The following COL11A1 variants were observed in gnomAD, a reference collection of about 807,000 sequenced individuals.
COL11A1 encodes collagen type XI alpha 1 chain, also known as collagen alpha-1(XI) chain.
COL11A1 carries 74 observed loss-of-function variants against 265.2 expected under a neutral mutation model. That is an observed-to-expected ratio of 0.28 (90% CI 0.23 to 0.34). The LOEUF is 0.34. Ranked by LOEUF, COL11A1 falls within the 10% of genes least tolerant of loss-of-function variation. The pLI, the probability that COL11A1 is intolerant of heterozygous loss-of-function variation, is 1.00. For missense variants in COL11A1, 2,165 were observed against 2,263.6 expected, an observed-to-expected ratio of 0.96 and a Z score of 0.88; for synonymous variants, 816 against 727.6, an observed-to-expected ratio of 1.12 and a Z score of -1.96.
At position 103,064,558 on chromosome 1, in the gene COL11A1, G is replaced by T. The variant is rs1055794944; in HGVS notation, c.651+10060C>A. ...CAAAAAAAATTAGCCAGGCGTGGTG[G>T]TGGGTGCCTGTAGTCCCAGCTATTT... On this transcript the variant is annotated intron_variant, in intron 4 of 66. Coordinates refer to ENST00000370096, the MANE Select transcript of COL11A1 (RefSeq NM_001854.4). Among the ~76,000 whole-genome samples, 25 of 152,100 alleles carry T rather than the reference G, an allele frequency of 1.6e-4. 1 individual carries two copies. The South Asian group carries it at 5.2e-3, about 32-fold the overall frequency.
At chr1:102,995,794 G>A (rs141727059) in intron 28 of COL11A1, 70 bp downstream of exon 28, 1 of 1,262,244 alleles carries the variant, frequency 7.9e-7, no homozygotes, top group South Asian at 1.2e-5. Context: ...GAAATAAAAT[G>A]TCTGTTGAAT....
intron 30 of COL11A1, 142 bp downstream of exon 30, chr1:102,987,491 T>A (rs559463848): frequency 1.4e-4 from 104 of 741,898 alleles, no homozygotes; most frequent in African/African-American, 8.0e-4. Context: ...AATGTAATGG[T>A]TGCAAATTTA....
intron 36 of COL11A1, among the ~76,000 whole-genome samples, chr1:102,971,040 G>A (rs1226551758): frequency 6.8e-6 from 1 of 146,010 alleles, no homozygotes; most frequent in Non-Finnish European, 1.5e-5. Flanking sequence ...AAAAAACCAA[G>A]AATGCAAAAT....
At chr1:102,955,926 T>G (rs1660329910) in intron 41 of COL11A1, among the ~76,000 whole-genome samples, 1 of 152,150 alleles carries the variant, frequency 6.6e-6, no homozygotes, top group South Asian at 2.1e-4. Flanking sequence ...AGACATGCCC[T>G]GGATTTGATT....
chr1:102,961,243 G>C (rs946883573), intron 41 of COL11A1, among the ~76,000 whole-genome samples: 3 of 151,996 alleles, frequency 2.0e-5, no homozygotes, highest in Non-Finnish European at 4.4e-5. Context: ...TTTTCTGAGG[G>C]ATTGATATGT....
intron 46 of COL11A1, among the ~76,000 whole-genome samples, chr1:102,929,887 CTGTT>C (rs1264026220): frequency 2.6e-5 from 4 of 152,170 alleles, no homozygotes; most frequent in Non-Finnish European, 4.4e-5. Flanking sequence ...ATTTGGCTCT[CTGTT>C]TGTCTGTTGT....
At chr1:103,068,613 G>C (rs2102245757) in intron 4 of COL11A1, among the ~76,000 whole-genome samples, 1 of 151,352 alleles carries the variant, frequency 6.6e-6, no homozygotes, top group Non-Finnish European at 1.5e-5. Flanking sequence ...CCCATTCATT[G>C]CCGTAAGAAA....
chr1:102,938,996 A>C (rs755580769), intron 44 of COL11A1, 39 bp downstream of exon 44: 4 of 1,582,566 alleles, frequency 2.5e-6, no homozygotes, highest in Non-Finnish European at 3.5e-6. Flanking sequence ...AAAGTTGTTA[A>C]ATAAATAATG....
At chr1:102,978,778 A>C (rs770212775) in intron 34 of COL11A1, 26 bp from the exon 35 acceptor site, 3 of 1,614,116 alleles carry the variant, frequency 1.9e-6, no homozygotes, top group Non-Finnish European at 2.5e-6. Context: ...GAAAAGAAAA[A>C]TCAGTTTGAA....
At chr1:102,906,880 G>T (rs1346789257) in intron 54 of COL11A1, among the ~76,000 whole-genome samples, 1 of 151,936 alleles carries the variant, frequency 6.6e-6, no homozygotes, top group Non-Finnish European at 1.5e-5. Flanking sequence ...TAAGATTGTT[G>T]ACATAAGAGT....
chr1:103,066,739 G>T (rs893180165), intron 4 of COL11A1, among the ~76,000 whole-genome samples: 2 of 151,556 alleles, frequency 1.3e-5, no homozygotes, highest in Non-Finnish European at 3.0e-5. Context: ...CAATTAAAAG[G>T]CAGAAATTTA....
chr1:103,090,391 A>G (rs1227858173), intron 1 of COL11A1, among the ~76,000 whole-genome samples: 1 of 152,160 alleles, frequency 6.6e-6, no homozygotes, highest in Admixed American at 6.5e-5. Flanking sequence ...GGACTGACAA[A>G]AGAGAAAAGG....
At chr1:103,031,042 AT>A in intron 5 of COL11A1, 73 bp downstream of exon 5, 1 of 1,520,752 alleles carries the variant, frequency 6.6e-7, no homozygotes, top group Non-Finnish European at 9.1e-7. Context: ...ATAAATAAGT[AT>A]AAGTTCAAAA....
chr1:103,029,974 T>A (rs1448032394), intron 5 of COL11A1, among the ~76,000 whole-genome samples: 1 of 151,994 alleles, frequency 6.6e-6, no homozygotes, highest in Non-Finnish European at 1.5e-5. Flanking sequence ...GCAAAACAGA[T>A]CTCATCAACC....
intron 38 of COL11A1, among the ~76,000 whole-genome samples, chr1:102,963,116 G>A (rs548996619): frequency 6.6e-6 from 1 of 152,034 alleles, no homozygotes; most frequent in African/African-American, 2.4e-5. Context: ...TTCATATGAG[G>A]TGTCAAATCA....
chr1:102,886,847 A>G lies in COL11A1; in HGVS notation c.4818T>C (p.Thr1606=). 1.2e-6 allele frequency: 2 copies of G among 1,613,922 alleles called. No homozygotes were observed. Among genetic ancestry groups the G allele is most frequent in the Non-Finnish European group, 1.7e-6 (2 of 1,179,852 alleles). The change falls in exon 63 of 67, where the codon ACT becomes ACC. Residue 1606 remains threonine, a synonymous_variant. Transcript: ENST00000370096. ...PMGTQTNPAR[T]CKDLQLSHPD... is the part of the protein sequence containing the mutation. The stretch of plus-strand genomic sequence containing the variant: ...GATGGCTGAGTTGCAGGTCTTTACA[A>G]GTTCGGGCTGGATTGGTCTGAGTAC...
chr1:102,952,338 C>CCACCT (rs1659973449), intron 41 of COL11A1, among the ~76,000 whole-genome samples: 1 of 152,142 alleles, frequency 6.6e-6, no homozygotes, highest in Non-Finnish European at 1.5e-5. Flanking sequence ...ACCTCGTGAT[C>CCACCT]CACCTGTCTT....
chr1:102,938,698 C>A (rs1169951285), intron 44 of COL11A1, among the ~76,000 whole-genome samples: 2 of 151,998 alleles, frequency 1.3e-5, no homozygotes, highest in African/African-American at 4.8e-5. Context: ...AATTTGTATA[C>A]ATGTAGAACA....
intron 28 of COL11A1, among the ~76,000 whole-genome samples, chr1:102,993,541 G>A (rs570281340): frequency 6.6e-6 from 1 of 151,950 alleles, no homozygotes; most frequent in African/African-American, 2.4e-5. Context: ...GTATATTGTT[G>A]TACTATAACT....
Sources: allele counts gnomAD v4.1 joint callset (sites outside exome capture counted in the v4.1 genomes callset), GRCh38; gene constraint gnomAD v4.1.1; transcripts MANE v1.5; gene names NCBI Gene and HGNC (gene_info 2026-07-23, HGNC 2026-07-21).